Variants in VWC2 observed in about 807,000 individuals in gnomAD.
VWC2 encodes von Willebrand factor C domain containing 2.
VWC2 carries 14 observed loss-of-function variants against 29.8 expected under a neutral mutation model. The ratio of observed to expected loss-of-function variants is 0.47; its 90% confidence interval spans 0.31 to 0.74. The LOEUF is 0.74. Ranked by LOEUF, VWC2 falls within the 30% of genes least tolerant of loss-of-function variation. The pLI is 0.05. For synonymous variants in VWC2, 213 were observed against 199.0 expected (o/e 1.07, Z -0.59); for missense variants, 457 against 459.8 (o/e 0.99, Z 0.05).
At chr7:49,792,121 T>C (rs1196177241) in intron 2 of VWC2, among the ~76,000 whole-genome samples, 1 of 152,170 alleles carries the variant, frequency 6.6e-6, no homozygotes, top group Non-Finnish European at 1.5e-5. Context: ...AGATGCCACA[T>C]ATGCAGGGCC....
Position 49,911,480 on chromosome 7 carries a change from CAA to C in VWC2, c.827-532_827-531del, listed in dbSNP as rs34782644. On this transcript the variant is annotated intron_variant, in intron 3 of 3. Coordinates refer to ENST00000340652, the MANE Select transcript of VWC2 (RefSeq NM_198570.5). ...CTGGTGACAGAGCAAGACTCTGTCT[CAA>C]AAAAAAAAAAAAAAAAAAAAATTAA... 6.7e-4 allele frequency among the ~76,000 whole-genome samples: 48 copies of C among 71,610 alleles called. 1 individual carries two copies. In the South Asian group the frequency reaches 0.012, roughly 18 times the overall value. 47.0% of individuals were successfully genotyped at this position (71,610 alleles called of 152,430 possible).
rs1177709761 is a variant in VWC2, at chr7:49,807,724, A to G, written c.826+4884A>G. Among the ~76,000 whole-genome samples, 49 of 152,224 alleles carry G rather than the reference A, an allele frequency of 3.2e-4. 1 individual carries two copies. The highest frequency in any genetic ancestry group is 3.2e-3 in the Admixed American group (49 of 15,282). On this transcript the variant is annotated intron_variant, in intron 3 of 3. Coordinates refer to ENST00000340652, the MANE Select transcript of VWC2 (RefSeq NM_198570.5). Reference sequence around the variant, plus strand: ...TTATCACTTTGAGTATGCAAAGGTTAAAAGAACATTAAAAGCACTAAACAT... The same window carrying G: ...TTATCACTTTGAGTATGCAAAGGTTGAAAGAACATTAAAAGCACTAAACAT...
At position 49,852,846 on chromosome 7, in the gene VWC2, G is replaced by A. The variant is rs370594970; in HGVS notation, c.826+50006G>A. On this transcript the variant is annotated intron_variant, in intron 3 of 3. Coordinates refer to ENST00000340652, the MANE Select transcript of VWC2 (RefSeq NM_198570.5). ...TGGACTCCGTCTCCATCTAGTGACT[G>A]GCTCCTTGAACTACAGTTGCAGATG... Among the ~76,000 whole-genome samples, 7 of 152,202 alleles carry A rather than the reference G, an allele frequency of 4.6e-5. No homozygotes were observed. The East Asian group carries it at 7.7e-4, about 17-fold the overall frequency.
chr7:49,907,099 A>G (rs1178146824), intron 3 of VWC2, among the ~76,000 whole-genome samples: 1 of 152,226 alleles, frequency 6.6e-6, no homozygotes, highest in East Asian at 1.9e-4. Flanking sequence ...AAGCTGGGAC[A>G]TGTTTTTAGG....
chr7:49,782,717 T>G, intron 2 of VWC2, among the ~76,000 whole-genome samples: 1 of 150,026 alleles, frequency 6.7e-6, no homozygotes. Context: ...CCAGGCATGT[T>G]GGTGTGCTCA....
Position 49,798,309 on chromosome 7 carries a change from G to GC in VWC2, c.697-4401dup, listed in dbSNP as rs1788645082. On this transcript the variant is annotated intron_variant, in intron 2 of 3. Coordinates refer to ENST00000340652, the MANE Select transcript of VWC2 (RefSeq NM_198570.5). ...ACATTTGGGTCAGCTGCCTGGGCCT[G>GC]CTGACCACGCCAGTGGGGATCCAGC... 2.6e-5 allele frequency among the ~76,000 whole-genome samples: 4 copies of GC among 152,348 alleles called. No homozygotes were observed. The South Asian group carries it at 8.3e-4, about 32-fold the overall frequency.
In VWC2 at chr7:49,921,874, T is replaced by C. The variant is rs1350536039; in HGVS notation, c.*9689T>C. 6.6e-6 allele frequency: 1 copy of C among 152,148 alleles called. No individual in the cohort carries two copies. The highest frequency in any genetic ancestry group is 1.5e-5 in the Non-Finnish European group (1 of 68,006). 9.4% of individuals were successfully genotyped at this position (152,148 alleles called of 1,614,324 possible). A position where few individuals can be genotyped will look rare whatever the true frequency, so the allele number is the denominator to read the frequency against. ...TTATGTGGAGTTGAATTTAAATAAT[T>C]AGGCCGAATTTGTATGTATTGTTGG... On this transcript the variant is annotated 3_prime_UTR_variant, in exon 4 of 4. Coordinates refer to ENST00000340652, the MANE Select transcript of VWC2 (RefSeq NM_198570.5).
At chr7:49,806,732 GTGTT>G (rs763951662) in intron 3 of VWC2, among the ~76,000 whole-genome samples, 127 of 152,096 alleles carry the variant, frequency 8.3e-4, no homozygotes, top group South Asian at 2.9e-3. Context: ...GTGTGTGTGT[GTGTT>G]TGTGTGTGTG....
intron 3 of VWC2, among the ~76,000 whole-genome samples, chr7:49,873,314 T>C (rs1791253499): frequency 6.6e-6 from 1 of 152,154 alleles, no homozygotes. Flanking sequence ...GCTTCCTGGT[T>C]CATGGATGGC....
At chr7:49,786,191 G>A (rs1402790389) in intron 2 of VWC2, among the ~76,000 whole-genome samples, 1 of 152,130 alleles carries the variant, frequency 6.6e-6, no homozygotes, top group African/African-American at 2.4e-5. Flanking sequence ...GTGTACATAA[G>A]TGCCCAATGT....
intron 3 of VWC2, among the ~76,000 whole-genome samples, chr7:49,808,446 T>G (rs1436206772): frequency 6.6e-6 from 1 of 152,068 alleles, no homozygotes; most frequent in South Asian, 2.1e-4. Context: ...CAAATTCTGA[T>G]AAACCATTAA....
intron 3 of VWC2, among the ~76,000 whole-genome samples, chr7:49,842,885 G>GT (rs1789831558): frequency 6.6e-6 from 1 of 152,072 alleles, no homozygotes; most frequent in African/African-American, 2.4e-5. Flanking sequence ...TTCATCTCCC[G>GT]TTTCTGTTTT....
At chr7:49,819,754 G>A (rs2128709144) in intron 3 of VWC2, among the ~76,000 whole-genome samples, 1 of 152,304 alleles carries the variant, frequency 6.6e-6, no homozygotes, top group Admixed American at 6.5e-5. Flanking sequence ...GGGCCCGTGG[G>A]GGAGGGCAAA....
chr7:49,879,942 T>C (rs1046604906), intron 3 of VWC2, among the ~76,000 whole-genome samples: 2 of 152,194 alleles, frequency 1.3e-5, no homozygotes, highest in African/African-American at 4.8e-5. Flanking sequence ...TTTTCCAGTG[T>C]TTATTGAAGC....
At position 49,881,670 on chromosome 7, in the gene VWC2, T is replaced by C. The variant is rs542512862; in HGVS notation, c.827-30364T>C. On this transcript the variant is annotated intron_variant, in intron 3 of 3. Coordinates refer to ENST00000340652, the MANE Select transcript of VWC2 (RefSeq NM_198570.5). ...CACTACAATATTATTTCAGAATATA[T>C]TAGTTTTCCCTAAAAGTCTTTGGTT... Among the ~76,000 whole-genome samples, 17 of 152,332 alleles carry C rather than the reference T, an allele frequency of 1.1e-4. No homozygotes were observed. In the East Asian group the frequency reaches 3.3e-3, roughly 29 times the overall value.
At chr7:49,823,570 C>T (rs909779510) in intron 3 of VWC2, among the ~76,000 whole-genome samples, 3 of 152,132 alleles carry the variant, frequency 2.0e-5, no homozygotes, top group Admixed American at 6.6e-5. Flanking sequence ...CATTCCTGGG[C>T]CGTAAATATC....
intron 3 of VWC2, among the ~76,000 whole-genome samples, chr7:49,808,959 T>G (rs1020139788): frequency 6.6e-6 from 1 of 151,962 alleles, no homozygotes. Context: ...AATGTAACCC[T>G]CTACCTTAAG....
chr7:49,900,484 G>A (rs1037820629), intron 3 of VWC2, among the ~76,000 whole-genome samples: 10 of 151,782 alleles, frequency 6.6e-5, no homozygotes, highest in African/African-American at 2.2e-4. Flanking sequence ...CATCATTACA[G>A]ATCCCATGGA....
chr7:49,830,032 A>G (rs1397584142), intron 3 of VWC2, among the ~76,000 whole-genome samples: 1 of 152,100 alleles, frequency 6.6e-6, no homozygotes. Flanking sequence ...GTGTTTACAG[A>G]TTTTCTTTTT....
Sources: gnomAD v4.1 joint callset for allele counts (sites outside exome capture counted in the v4.1 genomes callset) on GRCh38, gnomAD v4.1.1 for gene constraint, MANE v1.5 for transcripts, NCBI Gene and HGNC (gene_info 2026-07-23, HGNC 2026-07-21) for gene names.